LCE1A: variants seen among roughly 807,000 people sequenced by gnomAD.
LCE1A encodes late cornified envelope protein 1A.
For missense variants in LCE1A, 138 were observed against 140.0 expected (o/e 0.99, Z 0.07); for synonymous variants, 59 against 53.8 (o/e 1.10, Z -0.43).
chr1:152,827,885 C>G lies in LCE1A; in HGVS notation c.*80C>G. ...TCCTCCTCACCTGTCTCCTCCTGGG[C>G]CTGCAAGAGTGGCTGAGATGCCCGC... On this transcript the variant is annotated 3_prime_UTR_variant, in exon 1 of 1. Coordinates refer to ENST00000335123, the MANE Select transcript of LCE1A (RefSeq NM_178348.2). 6.9e-7 allele frequency: 1 copy of G among 1,440,880 alleles called. No individual in the cohort carries two copies. The highest frequency in any genetic ancestry group is 9.2e-7 in the Non-Finnish European group (1 of 1,083,810). The allele number at this position is 1,440,880 out of a possible 1,614,324, so 89.3% of individuals were successfully genotyped here. A position where few individuals can be genotyped will look rare whatever the true frequency, so the allele number is the denominator to read the frequency against.
Position 152,827,707 on chromosome 1 carries a change from C to G in LCE1A, c.235C>G (p.Arg79Gly), listed in dbSNP as rs1243330178. The G allele has an allele frequency of 6.2e-7, 1 of 1,613,762 alleles. No homozygotes were observed. Among genetic ancestry groups the G allele is most frequent in the South Asian group, 1.1e-5 (1 of 91,050 alleles). ...LSHHRRHRSHRHRLQSSGCCS... is the reference protein window; with the variant it reads ...LSHHRRHRSHGHRLQSSGCCS... Reference sequence around the variant, plus strand: ...CCACCACAGGCGCCACAGGTCCCACCGTCACAGACTCCAGAGCTCTGGCTG... The same window carrying G: ...CCACCACAGGCGCCACAGGTCCCACGGTCACAGACTCCAGAGCTCTGGCTG... The change falls in exon 1 of 1, where the codon CGT (arginine) becomes GGT (glycine). Residue 79 changes from arginine to glycine, a missense_variant. Coordinates refer to ENST00000335123, the MANE Select transcript of LCE1A (RefSeq NM_178348.2).
chr1:152,827,625 C>G lies in LCE1A; in HGVS notation c.153C>G (p.Cys51Trp), dbSNP rs771884849. ...SSCCSVSSGGCCGSSSGGGCS... is the reference protein window; with the variant it reads ...SSCCSVSSGGWCGSSSGGGCS... ...GCTGCAGTGTCAGCTCCGGAGGCTG[C>G]TGTGGCTCCAGCTCTGGGGGCGGCT... is the stretch of plus-strand genomic sequence containing the variant. The change falls in exon 1 of 1, where the codon TGC (cysteine) becomes TGG (tryptophan). Residue 51 changes from cysteine to tryptophan, a missense_variant. Transcript: ENST00000335123. 6.2e-7 allele frequency: 1 copy of G among 1,613,954 alleles called. No homozygotes were observed. The highest frequency in any genetic ancestry group is 1.1e-5 in the South Asian group (1 of 91,060).
chr1:152,827,799 C>T lies in LCE1A; in HGVS notation c.327C>T (p.Cys109=). 1 of 1,592,264 alleles carries T rather than the reference C, an allele frequency of 6.3e-7. No homozygotes were observed. Among genetic ancestry groups the T allele is most frequent in the Non-Finnish European group, 8.6e-7 (1 of 1,169,164 alleles). ...GGDSGQHSGG[C]C is the part of the protein sequence containing the mutation. Reference sequence around the variant, plus strand: ...ACAGCGGCCAGCACTCTGGAGGCTGCTGCTGAAGCGGACTCTGCACCTAGA... The same window carrying T: ...ACAGCGGCCAGCACTCTGGAGGCTGTTGCTGAAGCGGACTCTGCACCTAGA... The change falls in exon 1 of 1, where the codon TGC becomes TGT. Residue 109 remains cysteine (C), a synonymous_variant. Coordinates refer to ENST00000335123, the MANE Select transcript of LCE1A (RefSeq NM_178348.2).
rs147877947 is a variant in LCE1A, at chr1:152,827,797, T to G, written c.325T>G (p.Cys109Gly). The G allele has an allele frequency of 1.0e-4, 160 of 1,594,778 alleles. 1 individual carries two copies. The African/African-American group carries it at 1.5e-3, about 15-fold the overall frequency. ...GGACAGCGGCCAGCACTCTGGAGGC[T>G]GCTGCTGAAGCGGACTCTGCACCTA... ...GGDSGQHSGG[C>G]C The change falls in exon 1 of 1, where the codon TGC becomes GGC. Residue 109 changes from cysteine to glycine, a missense_variant. Transcript: ENST00000335123.
At position 152,827,908 on chromosome 1, in the gene LCE1A, C is replaced by T. The variant is rs910999048; in HGVS notation, c.*103C>T. On this transcript the variant is annotated 3_prime_UTR_variant, in exon 1 of 1. Coordinates refer to ENST00000335123, the MANE Select transcript of LCE1A (RefSeq NM_178348.2). ...GGCCTGCAAGAGTGGCTGAGATGCC[C>T]GCGTGAAGGCTCTGAGCTCTGGCCT... 9.3e-6 allele frequency: 12 copies of T among 1,293,456 alleles called. No individual in the cohort carries two copies. In the East Asian group the frequency reaches 1.3e-4, roughly 14 times the overall value. 80.1% of individuals were successfully genotyped at this position (1,293,456 alleles called of 1,614,324 possible). A position where few individuals can be genotyped will look rare whatever the true frequency, so the allele number is the denominator to read the frequency against.
chr1:152,827,735 GCAGC>G lies in LCE1A; in HGVS notation c.269_272del (p.Gln90ProfsTer57). On this transcript the variant is annotated frameshift_variant, in exon 1 of 1. Transcript: ENST00000335123. LOFTEE classifies it high-confidence loss of function. Reference sequence around the variant, plus strand: ...CACAGACTCCAGAGCTCTGGCTGCTGCAGCCAGCCCTCGGGAGGCTCCAGCTGCT... The same window carrying G: ...CACAGACTCCAGAGCTCTGGCTGCTGCAGCCCTCGGGAGGCTCCAGCTGCT... 6.2e-7 allele frequency: 1 copy of G among 1,613,614 alleles called. No individual in the cohort carries two copies. The highest frequency in any genetic ancestry group is 8.5e-7 in the Non-Finnish European group (1 of 1,179,886).
At position 152,827,964 on chromosome 1, in the gene LCE1A, C is replaced by T. The variant is rs567373424; in HGVS notation, c.*159C>T. ...ATCCCTCTGCCCTGGGATCCAGAAA[C>T]TTGATTCTTCTCCCACAAACCTATC... On this transcript the variant is annotated 3_prime_UTR_variant, in exon 1 of 1. Transcript: ENST00000335123. 2 of 831,680 alleles carry T rather than the reference C, an allele frequency of 2.4e-6. No homozygotes were observed. Among genetic ancestry groups the T allele is most frequent in the East Asian group, 5.4e-5 (2 of 36,792 alleles). The allele number at this position is 831,680 out of a possible 1,614,324, so 51.5% of individuals were successfully genotyped here.
rs1647395627 is a variant in LCE1A, at chr1:152,827,696, A to G, written c.224A>G (p.His75Arg). The G allele has an allele frequency of 6.2e-7, 1 of 1,612,910 alleles. No individual in the cohort carries two copies. The highest frequency in any genetic ancestry group is 8.5e-7 in the Non-Finnish European group (1 of 1,179,894). ...TGCTGCCTGAGCCACCACAGGCGCC[A>G]CAGGTCCCACCGTCACAGACTCCAG... The part of the protein sequence containing the change: ...GGCCLSHHRR[H>R]RSHRHRLQSS... Residue 75 changes from histidine to arginine, a missense_variant, in exon 1 of 1, where the codon CAC (histidine) becomes CGC (arginine). His to Arg is a conservative substitution (Grantham distance 29). Transcript: ENST00000335123.
rs1314899573 is a variant in LCE1A at position 152,827,854 on chromosome 1, A to G, written c.*49A>G. ...CAGACTCGGGTGAAATGAGTGATCA[A>G]ACATTTCCTCCTCACCTGTCTCCTC... is the stretch of plus-strand genomic sequence containing the variant. On this transcript the variant is annotated 3_prime_UTR_variant, in exon 1 of 1. Transcript: ENST00000335123. 5 of 1,509,824 alleles carry G rather than the reference A, an allele frequency of 3.3e-6. No individual in the cohort carries two copies. The South Asian group carries it at 4.0e-5, about 12-fold the overall frequency. The allele number at this position is 1,509,824 out of a possible 1,614,324, so 93.5% of individuals were successfully genotyped here.
rs1647388317 is a variant in LCE1A at position 152,827,567 on chromosome 1, A to G, written c.95A>G (p.Lys32Arg). 6 of 1,612,218 alleles carry G rather than the reference A, an allele frequency of 3.7e-6. No homozygotes were observed. Among genetic ancestry groups the G allele is most frequent in the Non-Finnish European group, 5.1e-6 (6 of 1,179,644 alleles). Residue 32 changes from lysine (K) to arginine (R), a missense_variant, in exon 1 of 1, where the codon AAG becomes AGG. Physicochemically the swap from Lys to Arg is conservative, Grantham distance 26. Coordinates refer to ENST00000335123, the MANE Select transcript of LCE1A (RefSeq NM_178348.2). ...TGCCCCACTCCTAAGTGCCCCCCAA[A>G]GTGTCCCCCTAAGTGCCCTCCAGTC... ...PKCPTPKCPP[K>R]CPPKCPPVSS...
At position 152,827,501 on chromosome 1, in the gene LCE1A, G is replaced by A; in HGVS notation, c.29G>A (p.Cys10Tyr). The A allele has an allele frequency of 1.9e-6, 3 of 1,613,704 alleles. No individual in the cohort carries two copies. Among genetic ancestry groups the A allele is most frequent in the Non-Finnish European group, 2.5e-6 (3 of 1,180,000 alleles). Residue 10 changes from cysteine (C) to tyrosine (Y), a missense_variant, in exon 1 of 1, where the codon TGC (cysteine) becomes TAC (tyrosine). By Grantham distance (194) the Cys-to-Tyr change is radical (BLOSUM62 -2). Transcript: ENST00000335123. ...TCCTGCCAGCAGAGCCAGCAGCAGT[G>A]CCAGCCCCCTCCCAAGTGCACCCCC... Reference protein sequence around the residue: MSCQQSQQQCQPPPKCTPKC... With the variant: MSCQQSQQQYQPPPKCTPKC...
At position 152,827,700 on chromosome 1, in the gene LCE1A, G is replaced by T; in HGVS notation, c.228G>T (p.Arg76Ser). ...GCCTGAGCCACCACAGGCGCCACAG[G>T]TCCCACCGTCACAGACTCCAGAGCT... ...GCCLSHHRRHRSHRHRLQSSG... is the reference protein window; with the variant it reads ...GCCLSHHRRHSSHRHRLQSSG... Residue 76 changes from arginine to serine, a missense_variant, in exon 1 of 1, where the codon AGG (arginine) becomes AGT (serine). Arg to Ser is a moderately radical substitution (Grantham distance 110). Coordinates refer to ENST00000335123, the MANE Select transcript of LCE1A (RefSeq NM_178348.2). 5 of 1,612,212 alleles carry T rather than the reference G, an allele frequency of 3.1e-6. No individual in the cohort carries two copies. Among genetic ancestry groups the T allele is most frequent in the South Asian group, 1.1e-5 (1 of 90,976 alleles).
Position 152,827,752 on chromosome 1 carries a change from G to A in LCE1A, c.280G>A (p.Gly94Ser). ...TGGCTGCTGCAGCCAGCCCTCGGGA[G>A]GCTCCAGCTGCTGTGGAGGGGACAG... ...SSGCCSQPSG[G>S]SSCCGGDSGQ... is the part of the protein sequence containing the mutation. The change falls in exon 1 of 1, where the codon GGC becomes AGC. Residue 94 changes from glycine (G) to serine (S), a missense_variant. Physicochemically the swap from Gly to Ser is moderately conservative, Grantham distance 56. Coordinates refer to ENST00000335123, the MANE Select transcript of LCE1A (RefSeq NM_178348.2). The A allele has an allele frequency of 6.2e-7, 1 of 1,613,080 alleles. No individual in the cohort carries two copies. The highest frequency in any genetic ancestry group is 8.5e-7 in the Non-Finnish European group (1 of 1,179,522).
At position 152,827,546 on chromosome 1, in the gene LCE1A, C is replaced by T. The variant is rs1647386073; in HGVS notation, c.74C>T (p.Pro25Leu). The T allele has an allele frequency of 6.2e-7, 1 of 1,613,334 alleles. No homozygotes were observed. The highest frequency in any genetic ancestry group is 8.5e-7 in the Non-Finnish European group (1 of 1,179,866). The change falls in exon 1 of 1, where the codon CCC (proline) becomes CTC (leucine). Residue 25 changes from proline (P) to leucine (L), a missense_variant. Coordinates refer to ENST00000335123, the MANE Select transcript of LCE1A (RefSeq NM_178348.2). ...ACCCCCAAGTGCCCTCCCAAGTGCC[C>T]CACTCCTAAGTGCCCCCCAAAGTGT... Reference protein sequence around the residue: ...KCTPKCPPKCPTPKCPPKCPP... With the variant: ...KCTPKCPPKCLTPKCPPKCPP...
rs768981999 is a variant in LCE1A, at chr1:152,827,478, C to T, written c.6C>T (p.Ser2=). The part of the protein sequence containing the change: M[S]CQQSQQQCQP... The stretch of plus-strand genomic sequence containing the variant: ...CCTGAACACCCACCGCCGAGATGTC[C>T]TGCCAGCAGAGCCAGCAGCAGTGCC... The change falls in exon 1 of 1, where the codon TCC becomes TCT. Residue 2 remains serine (S), a synonymous_variant. Coordinates refer to ENST00000335123, the MANE Select transcript of LCE1A (RefSeq NM_178348.2). The T allele has an allele frequency of 2.2e-5, 35 of 1,611,590 alleles. No homozygotes were observed. The highest frequency in any genetic ancestry group is 2.9e-5 in the Non-Finnish European group (34 of 1,179,960).
In LCE1A at chr1:152,827,794, G is replaced by A. The variant is rs770544025; in HGVS notation, c.322G>A (p.Gly108Ser). 8.8e-6 allele frequency: 14 copies of A among 1,595,666 alleles called. No homozygotes were observed. Among genetic ancestry groups the A allele is most frequent in the Admixed American group, 1.8e-5 (1 of 56,754 alleles). The change falls in exon 1 of 1, where the codon GGC (glycine) becomes AGC (serine). Residue 108 changes from glycine (G) to serine (S), a missense_variant. Transcript: ENST00000335123. Reference sequence around the variant, plus strand: ...AGGGGACAGCGGCCAGCACTCTGGAGGCTGCTGCTGAAGCGGACTCTGCAC... The same window carrying A: ...AGGGGACAGCGGCCAGCACTCTGGAAGCTGCTGCTGAAGCGGACTCTGCAC... Reference protein sequence around the residue: ...CGGDSGQHSGGCC With the variant: ...CGGDSGQHSGSCC
chr1:152,827,859 T>G lies in LCE1A; in HGVS notation c.*54T>G. The G allele has an allele frequency of 6.6e-7, 1 of 1,504,196 alleles. No homozygotes were observed. Among genetic ancestry groups the G allele is most frequent in the South Asian group, 1.4e-5 (1 of 73,648 alleles). 93.2% of individuals were successfully genotyped at this position (1,504,196 alleles called of 1,614,324 possible). A position where few individuals can be genotyped will look rare whatever the true frequency, so the allele number is the denominator to read the frequency against. On this transcript the variant is annotated 3_prime_UTR_variant, in exon 1 of 1. Transcript: ENST00000335123. The stretch of plus-strand genomic sequence containing the variant: ...TCGGGTGAAATGAGTGATCAAACAT[T>G]TCCTCCTCACCTGTCTCCTCCTGGG...
chr1:152,827,654 G>A lies in LCE1A; in HGVS notation c.182G>A (p.Ser61Asn). 2 of 1,614,048 alleles carry A rather than the reference G, an allele frequency of 1.2e-6. No homozygotes were observed. Among genetic ancestry groups the A allele is most frequent in the Non-Finnish European group, 1.7e-6 (2 of 1,179,990 alleles). ...CCGSSSGGGCSSGGGGCCLSH... is the reference protein window; with the variant it reads ...CCGSSSGGGCNSGGGGCCLSH... ...GGCTCCAGCTCTGGGGGCGGCTGCA[G>A]CTCTGGGGGAGGTGGCTGCTGCCTG... The change falls in exon 1 of 1, where the codon AGC becomes AAC. Residue 61 changes from serine to asparagine, a missense_variant. Ser to Asn is a conservative substitution (Grantham distance 46, BLOSUM62 1). Coordinates refer to ENST00000335123, the MANE Select transcript of LCE1A (RefSeq NM_178348.2).
At position 152,827,829 on chromosome 1, in the gene LCE1A, C is replaced by A; in HGVS notation, c.*24C>A. 6.4e-7 allele frequency: 1 copy of A among 1,552,442 alleles called. No individual in the cohort carries two copies. The highest frequency in any genetic ancestry group is 8.7e-7 in the Non-Finnish European group (1 of 1,151,364). On this transcript the variant is annotated 3_prime_UTR_variant, in exon 1 of 1. Coordinates refer to ENST00000335123, the MANE Select transcript of LCE1A (RefSeq NM_178348.2). ...GAAGCGGACTCTGCACCTAGAAGAG[C>A]AGACTCGGGTGAAATGAGTGATCAA...
Sources: gnomAD v4.1 joint callset for allele counts on GRCh38, gnomAD v4.1.1 for gene constraint, MANE v1.5 for transcripts, NCBI Gene and HGNC (gene_info 2026-07-23, HGNC 2026-07-21) for gene names.